Variants in ZSWIM2 observed in about 807,000 individuals in gnomAD.
ZSWIM2 encodes the protein zinc finger SWIM-type containing 2.
A neutral mutation model predicts 48.4 loss-of-function variants in ZSWIM2; 38 were observed. The observed-to-expected ratio is 0.79, with a 90% CI of 0.61 to 1.03. ZSWIM2 has a LOEUF of 1.03. Ranked by LOEUF, ZSWIM2 falls within the 50% of genes least tolerant of loss-of-function variation. The pLI, the probability that ZSWIM2 is intolerant of heterozygous loss-of-function variation, is 0.00. For missense variants in ZSWIM2, 776 were observed against 730.2 expected, an observed-to-expected ratio of 1.06 and a Z score of -0.72; for synonymous variants, 240 against 251.3, an observed-to-expected ratio of 0.96 and a Z score of 0.42.
In ZSWIM2 at chr2:186,828,523, G is replaced by A; in HGVS notation, c.1363C>T (p.Pro455Ser). ...PQCNFDELNT[P>S]QSPKDAYENT... is the part of the protein sequence containing the mutation. ...TCATAGGCATCTTTTGGGCTTTGAG[G>A]TGTATTCAATTCATCAAAATTACAC... is the stretch of plus-strand genomic sequence containing the variant. Residue 455 changes from proline to serine, a missense_variant, in exon 9 of 9, where the codon CCT (proline) becomes TCT (serine). By Grantham distance (74) the Pro-to-Ser change is moderately conservative. Transcript: ENST00000295131. 6.2e-7 allele frequency: 1 copy of A among 1,613,426 alleles called. No homozygotes were observed. The highest frequency in any genetic ancestry group is 8.5e-7 in the Non-Finnish European group (1 of 1,179,648).
intron 7 of ZSWIM2, among the ~76,000 whole-genome samples, chr2:186,832,494 A>G (rs940683840): frequency 8.5e-5 from 13 of 152,104 alleles, no homozygotes; most frequent in Non-Finnish European, 7.4e-5. Context: ...TTCTTAATCA[A>G]TGTTCTGAAA....
rs1273179906 is a variant in ZSWIM2, at chr2:186,828,175, T to A, written c.1711A>T (p.Thr571Ser). The change falls in exon 9 of 9, where the codon ACT becomes TCT. Residue 571 changes from threonine to serine, a missense_variant. Thr to Ser is a moderately conservative substitution (Grantham distance 58). Transcript: ENST00000295131. ...TKIREDNKRSTLLPEDFNLIV... is the reference protein window; with the variant it reads ...TKIREDNKRSSLLPEDFNLIV... ...AGATTGAAATCCTCTGGAAGTAAAG[T>A]TGATCTCTTGTTGTCCTCTCTTATT... 6.2e-7 allele frequency: 1 copy of A among 1,613,630 alleles called. No individual in the cohort carries two copies.
chr2:186,833,197 T>C lies in ZSWIM2; in HGVS notation c.864A>G (p.Arg288=). 1 of 1,545,096 alleles carries C rather than the reference T, an allele frequency of 6.5e-7. No individual in the cohort carries two copies. ...RNQKWRSLEK[R]ADEVVKYIDT... is the part of the protein sequence containing the mutation. Reference sequence around the variant, plus strand: ...CTATGTATTTTACAACTTCATCTGCTCTTTTTTCTAGTGATCTCCATTTTT... The same window carrying C: ...CTATGTATTTTACAACTTCATCTGCCCTTTTTTCTAGTGATCTCCATTTTT... The change falls in exon 7 of 9, where the codon AGA becomes AGG. Residue 288 remains arginine (R), a synonymous_variant. Transcript: ENST00000295131.
At position 186,839,319 on chromosome 2, in the gene ZSWIM2, A is replaced by AT. The variant is rs1045054901; in HGVS notation, c.284-151dup. ...ACACTGACATTGACCCCTTCTTTAC[A>AT]TTTTTTTCAGAGCCAAAATGTCAGA... On this transcript the variant is annotated intron_variant, in intron 3 of 8. Coordinates refer to ENST00000295131, the MANE Select transcript of ZSWIM2 (RefSeq NM_182521.3). 19 of 548,652 alleles carry AT rather than the reference A, an allele frequency of 3.5e-5. No homozygotes were observed. The African/African-American group carries it at 3.5e-4, about 10-fold the overall frequency. 34.0% of individuals were successfully genotyped at this position (548,652 alleles called of 1,614,324 possible).
At chr2:186,833,536 G>A (rs1481615749) in intron 6 of ZSWIM2, among the ~76,000 whole-genome samples, 4 of 151,904 alleles carry the variant, frequency 2.6e-5, no homozygotes, top group Admixed American at 6.6e-5. Context: ...TTAAGTGTAC[G>A]GTTTAAATTA....
At chr2:186,834,372 A>G (rs1691756361) in intron 5 of ZSWIM2, among the ~76,000 whole-genome samples, 1 of 152,122 alleles carries the variant, frequency 6.6e-6, no homozygotes, top group African/African-American at 2.4e-5. Flanking sequence ...AGGGGTCCCC[A>G]ACCCCAGGCG....
chr2:186,849,040 T>C lies in ZSWIM2; in HGVS notation c.91A>G (p.Ile31Val), dbSNP rs1315182302. 1.9e-6 allele frequency: 3 copies of C among 1,614,220 alleles called. No individual in the cohort carries two copies. The South Asian group carries it at 3.3e-5, about 18-fold the overall frequency. ...WHQDQALSSS[I>V]YLLREMGPTG... ...GGGCCCATCTCTCGTAGGAGGTAGATGCTGCTACTCAGCGCCTGGTCTTGG... is the reference window on the plus strand; with the variant it reads ...GGGCCCATCTCTCGTAGGAGGTAGACGCTGCTACTCAGCGCCTGGTCTTGG... The change falls in exon 1 of 9, where the codon ATC (isoleucine) becomes GTC (valine). Residue 31 changes from isoleucine (I) to valine (V), a missense_variant. Ile to Val is a conservative substitution (Grantham distance 29). Transcript: ENST00000295131.
chr2:186,844,678 T>TAA (rs199505226), intron 3 of ZSWIM2, 39 bp downstream of exon 3: 38 of 1,354,392 alleles, frequency 2.8e-5, no homozygotes, highest in East Asian at 1.1e-4. Context: ...AGTAGTAAAA[T>TAA]AAAAAAAAAA....
chr2:186,830,758 T>C (rs1691684943), intron 7 of ZSWIM2, among the ~76,000 whole-genome samples: 1 of 152,196 alleles, frequency 6.6e-6, no homozygotes, highest in South Asian at 2.1e-4. Context: ...CTGACATAAC[T>C]AAGATGGTAT....
At chr2:186,831,415 T>C (rs1184972159) in intron 7 of ZSWIM2, among the ~76,000 whole-genome samples, 2 of 151,022 alleles carry the variant, frequency 1.3e-5, no homozygotes, top group Non-Finnish European at 3.0e-5. Flanking sequence ...ATATATATAT[T>C]TAATGAGAAC....
At chr2:186,843,295 T>C (rs1691941422) in intron 3 of ZSWIM2, among the ~76,000 whole-genome samples, 1 of 151,492 alleles carries the variant, frequency 6.6e-6, no homozygotes, top group South Asian at 2.1e-4. Context: ...ACAATATGTA[T>C]AAAACCATAC....
chr2:186,833,840 T>C, intron 6 of ZSWIM2, 106 bp downstream of exon 6: 2 of 859,676 alleles, frequency 2.3e-6, no homozygotes, highest in Non-Finnish European at 3.5e-6. Context: ...TAAAAACCAA[T>C]CAGCTCTGTT....
chr2:186,847,744 C>T lies in ZSWIM2; in HGVS notation c.217G>A (p.Gly73Arg). ...CAGCAGATATGCTTACAAAGTTCCCCTCCTTTCGGAAATGTGGAACAGTTA... is the reference window on the plus strand; with the variant it reads ...CAGCAGATATGCTTACAAAGTTCCCTTCCTTTCGGAAATGTGGAACAGTTA... ...VCNCSTFPKG[G>R]ELCKHICWVL... The change falls in exon 2 of 9, where the codon GGG (glycine) becomes AGG (arginine). Residue 73 changes from glycine to arginine, a missense_variant. Gly to Arg is a moderately radical substitution (Grantham distance 125, BLOSUM62 -2). Coordinates refer to ENST00000295131, the MANE Select transcript of ZSWIM2 (RefSeq NM_182521.3). 2 of 1,605,496 alleles carry T rather than the reference C, an allele frequency of 1.2e-6. No homozygotes were observed. The highest frequency in any genetic ancestry group is 1.7e-6 in the Non-Finnish European group (2 of 1,175,490).
At position 186,844,762 on chromosome 2, in the gene ZSWIM2, C is replaced by T. The variant is rs376186018; in HGVS notation, c.243-5G>A. 34 of 1,556,504 alleles carry T rather than the reference C, an allele frequency of 2.2e-5. No individual in the cohort carries two copies. The highest frequency in any genetic ancestry group is 2.9e-5 in the Non-Finnish European group (33 of 1,156,974). ...TTGAATTTTTTCAACAAGACCCTAA[C>T]ATTCACAAGTAGAAAAAAAATCAAG... On this transcript the variant is annotated splice_polypyrimidine_tract_variant and splice_region_variant and intron_variant, in intron 2 of 8. Transcript: ENST00000295131.
chr2:186,829,121 GA>G lies in ZSWIM2; in HGVS notation c.1096-332del, dbSNP rs576717041. ...TTAAAAGTCATAACCAACTGGGGTT[GA>G]AAATGGATCTGATAACAGTAAAATA... On this transcript the variant is annotated intron_variant, in intron 8 of 8. Transcript: ENST00000295131. 1.4e-3 allele frequency among the ~76,000 whole-genome samples: 209 copies of G among 152,138 alleles called. 1 individual carries two copies. The highest frequency in any genetic ancestry group is 4.8e-3 in the African/African-American group (200 of 41,550).
At chr2:186,832,672 C>T (rs1691723668) in intron 7 of ZSWIM2, among the ~76,000 whole-genome samples, 2 of 151,734 alleles carry the variant, frequency 1.3e-5, no homozygotes, top group African/African-American at 2.4e-5. Flanking sequence ...ATGTCAGTTT[C>T]AATTTTACAT....
In ZSWIM2 at chr2:186,839,117, C is replaced by T. The variant is rs1691857504; in HGVS notation, c.336G>A (p.Gly112=). The T allele has an allele frequency of 1.9e-6, 3 of 1,611,480 alleles. No homozygotes were observed. In the South Asian group the frequency reaches 3.3e-5, roughly 18 times the overall value. ...GEREISDLLR[G]IHRVQTPQPG... ...GTTGGGGAGTTTGAACTCGATGTATCCCCCGAAGCAAGTCACTTATCTCTC... is the reference window on the plus strand; with the variant it reads ...GTTGGGGAGTTTGAACTCGATGTATTCCCCGAAGCAAGTCACTTATCTCTC... The change falls in exon 4 of 9, where the codon GGG becomes GGA. Residue 112 remains glycine, a synonymous_variant. Coordinates refer to ENST00000295131, the MANE Select transcript of ZSWIM2 (RefSeq NM_182521.3).
At chr2:186,832,468 C>T (rs2105816662) in intron 7 of ZSWIM2, among the ~76,000 whole-genome samples, 1 of 152,110 alleles carries the variant, frequency 6.6e-6, no homozygotes, top group South Asian at 2.1e-4. Flanking sequence ...GTCTGGAGAC[C>T]TCTCCACTAA....
intron 7 of ZSWIM2, among the ~76,000 whole-genome samples, chr2:186,830,169 C>T (rs1342703916): frequency 1.3e-5 from 2 of 152,072 alleles, no homozygotes; most frequent in East Asian, 1.9e-4. Context: ...TACCTGAGGT[C>T]AGGAGTTTGA....
Sources: allele counts gnomAD v4.1 joint callset (sites outside exome capture counted in the v4.1 genomes callset), GRCh38; gene constraint gnomAD v4.1.1; transcripts MANE v1.5; gene names NCBI Gene and HGNC (gene_info 2026-07-23, HGNC 2026-07-21).